The following SRBD1 variants were observed in gnomAD, a reference collection of about 807,000 sequenced individuals.
SRBD1 encodes S1 RNA-binding domain-containing protein 1.
A neutral mutation model predicts 115.3 loss-of-function variants in SRBD1; 88 were observed. The observed-to-expected ratio is 0.76, with a 90% CI of 0.64 to 0.91. The LOEUF (loss-of-function observed/expected upper bound fraction) is 0.91. Ranked by LOEUF, SRBD1 falls within the 40% of genes least tolerant of loss-of-function variation. The pLI is 0.00. For synonymous variants in SRBD1, 509 were observed against 407.7 expected (o/e 1.25, Z -2.99); for missense variants, 1,385 against 1,177.4 (o/e 1.18, Z -2.58).
At chr2:45,584,796 C>A (rs1044821688) in intron 5 of SRBD1, among the ~76,000 whole-genome samples, 1 of 152,138 alleles carries the variant, frequency 6.6e-6, no homozygotes, top group East Asian at 1.9e-4. Flanking sequence ...AAGGTACTTT[C>A]CATTCTGTAA....
chr2:45,553,801 G>A (rs1672382465), intron 10 of SRBD1, 71 bp from the exon 11 acceptor site: 2 of 937,464 alleles, frequency 2.1e-6, no homozygotes, highest in Non-Finnish European at 1.6e-6. Flanking sequence ...CTCCCAAAAA[G>A]AAGGGAGATG....
chr2:45,403,487 A>G (rs1389938999), intron 19 of SRBD1, among the ~76,000 whole-genome samples: 4 of 152,112 alleles, frequency 2.6e-5, no homozygotes, highest in East Asian at 3.8e-4. Flanking sequence ...ACATTGCCGT[A>G]TCAGTATTTG....
intron 10 of SRBD1, among the ~76,000 whole-genome samples, chr2:45,555,429 A>T (rs188876612): frequency 3.9e-5 from 6 of 152,188 alleles, no homozygotes; most frequent in South Asian, 2.1e-4. Context: ...ATTTTTTGGA[A>T]AAATGGATTT....
intron 16 of SRBD1, among the ~76,000 whole-genome samples, chr2:45,425,919 G>A (rs753213371): frequency 2.6e-5 from 4 of 152,080 alleles, no homozygotes; most frequent in Admixed American, 2.0e-4. Context: ...AAAACTGGGC[G>A]GCCATTTGGG....
intron 9 of SRBD1, chr2:45,569,590 T>C (rs1672947620): frequency 6.6e-6 from 1 of 152,120 alleles, no homozygotes; most frequent in Non-Finnish European, 1.5e-5. Flanking sequence ...AAAATGCAGA[T>C]AGGAAGAAAA....
At chr2:45,611,042 G>T (rs950543274) in intron 1 of SRBD1, among the ~76,000 whole-genome samples, 177 bp downstream of exon 1, 6 of 152,326 alleles carry the variant, frequency 3.9e-5, no homozygotes, top group Non-Finnish European at 8.8e-5. Context: ...TTTTCGGGTG[G>T]TCGGTTGTGA....
chr2:45,527,711 T>C (rs1285265860), intron 14 of SRBD1, among the ~76,000 whole-genome samples: 2 of 151,876 alleles, frequency 1.3e-5, no homozygotes, highest in Admixed American at 6.6e-5. Context: ...TATCCCCACT[T>C]CAGAGATGAA....
Position 45,585,596 on chromosome 2 carries a change from T to G in SRBD1, c.815+12A>C, listed in dbSNP as rs749771428. ...CCCTTACACTAGGCTTATTCTTTTT[T>G]AGGTTTCTTACCGTAGCTCTTCTAG... On this transcript the variant is annotated intron_variant, in intron 5 of 20. Coordinates refer to ENST00000263736, the MANE Select transcript of SRBD1 (RefSeq NM_018079.5). 8.7e-6 allele frequency: 14 copies of G among 1,603,130 alleles called. No individual in the cohort carries two copies. The highest frequency in any genetic ancestry group is 1.7e-4 in the Middle Eastern group (1 of 6,038).
At chr2:45,579,521 C>T (rs1055023608) in intron 7 of SRBD1, among the ~76,000 whole-genome samples, 9 of 151,842 alleles carry the variant, frequency 5.9e-5, no homozygotes, top group Non-Finnish European at 1.2e-4. Context: ...TATAATAAAA[C>T]TCAACTAATA....
At chr2:45,426,034 G>C (rs1005598856) in intron 16 of SRBD1, among the ~76,000 whole-genome samples, 4 of 152,144 alleles carry the variant, frequency 2.6e-5, no homozygotes, top group Non-Finnish European at 5.9e-5. Context: ...GCTGGAGCCA[G>C]GGAGCCAAGT....
At chr2:45,418,334 C>T (rs1392443233) in intron 18 of SRBD1, 31 bp downstream of exon 18, 1 of 1,599,704 alleles carries the variant, frequency 6.3e-7, no homozygotes, top group Non-Finnish European at 8.5e-7. Flanking sequence ...AGGAGGTTGA[C>T]AATAGAATCA....
chr2:45,578,550 G>T (rs898866233), intron 7 of SRBD1, among the ~76,000 whole-genome samples: 6 of 152,062 alleles, frequency 3.9e-5, no homozygotes, highest in African/African-American at 1.4e-4. Context: ...CATTTGCTGG[G>T]TTATGTAAAA....
At chr2:45,510,618 A>G (rs548828105) in intron 14 of SRBD1, among the ~76,000 whole-genome samples, 1 of 152,374 alleles carries the variant, frequency 6.6e-6, no homozygotes, top group East Asian at 1.9e-4. Flanking sequence ...TATCACAAAC[A>G]GCAAGAGAAG....
intron 9 of SRBD1, among the ~76,000 whole-genome samples, chr2:45,568,292 G>C (rs939413504): frequency 6.6e-6 from 1 of 152,152 alleles, no homozygotes; most frequent in Non-Finnish European, 1.5e-5. Context: ...ACAGTACTTG[G>C]AGAGAGTTCC....
intron 4 of SRBD1, among the ~76,000 whole-genome samples, chr2:45,587,939 C>T (rs1248052770): frequency 6.6e-6 from 1 of 152,186 alleles, no homozygotes; most frequent in African/African-American, 2.4e-5. Context: ...AATGGCAATT[C>T]AACCCAGAAA....
chr2:45,417,276 G>A (rs929907022), intron 18 of SRBD1, among the ~76,000 whole-genome samples: 1 of 152,158 alleles, frequency 6.6e-6, no homozygotes. Context: ...GTATAGGAGT[G>A]AGAAGTGGGA....
intron 4 of SRBD1, among the ~76,000 whole-genome samples, chr2:45,598,153 C>T (rs1316755836): frequency 2.6e-5 from 4 of 152,162 alleles, no homozygotes; most frequent in Non-Finnish European, 5.9e-5. Flanking sequence ...ACACTGCCTT[C>T]TAGGTATAAA....
At chr2:45,507,744 A>C (rs1670840151) in intron 14 of SRBD1, among the ~76,000 whole-genome samples, 1 of 151,924 alleles carries the variant, frequency 6.6e-6, no homozygotes, top group African/African-American at 2.4e-5. Context: ...AACAAAAACA[A>C]ACAAAATAAT....
At chr2:45,527,081 TA>T (rs1156705724) in intron 14 of SRBD1, among the ~76,000 whole-genome samples, 4 of 151,972 alleles carry the variant, frequency 2.6e-5, no homozygotes, top group Non-Finnish European at 5.9e-5. Flanking sequence ...GCATACCTTT[TA>T]TTTTTTATAT....
Sources: gnomAD v4.1 joint callset for allele counts (sites outside exome capture counted in the v4.1 genomes callset) on GRCh38, gnomAD v4.1.1 for gene constraint, MANE v1.5 for transcripts, NCBI Gene and HGNC (gene_info 2026-07-23, HGNC 2026-07-21) for gene names.